The following CEP128 variants were observed in gnomAD, a reference collection of about 807,000 sequenced individuals.
CEP128 encodes centrosomal protein 128kDa.
In CEP128, 132 loss-of-function variants were observed where a neutral mutation model predicts 156.7. The observed-to-expected ratio is 0.84, with a 90% CI of 0.73 to 0.97. CEP128 has a LOEUF of 0.97. Among genes scored for constraint, CEP128 ranks in the 50% least tolerant of loss-of-function variants. CEP128 has a pLI of 0.00. For missense variants in CEP128, 1,252 were observed against 1,281.9 expected (o/e 0.98, Z 0.36); for synonymous variants, 469 against 448.9 (o/e 1.04, Z -0.57).
At chr14:80,642,172 CAGCAGTAGTTACAGAGGGGACTGACAAGA>C (rs1162057007) in intron 19 of CEP128, among the ~76,000 whole-genome samples, 11 of 151,518 alleles carry the variant, frequency 7.3e-5, no homozygotes. Context: ...ACAGACATTT[CAGCAGTAGTTACAGAGGGGACTGACAAGA>C]AGCAGTTTGT....
At chr14:80,943,519 T>G (rs1886249255), upstream of CEP128, among the ~76,000 whole-genome samples, 1 of 152,220 alleles carries the variant, frequency 6.6e-6, no homozygotes, top group Non-Finnish European at 1.5e-5. Context: ...GCCTTATTTT[T>G]CAAAGTGATA....
chr14:80,779,291 G>C (rs1259899295), intron 15 of CEP128, among the ~76,000 whole-genome samples: 1 of 152,144 alleles, frequency 6.6e-6, no homozygotes, highest in Non-Finnish European at 1.5e-5. Context: ...CTGAAAGAAA[G>C]AAGTTTTGTG....
At chr14:80,807,932 G>T (rs1884277110) in intron 13 of CEP128, among the ~76,000 whole-genome samples, 1 of 152,112 alleles carries the variant, frequency 6.6e-6, no homozygotes, top group Non-Finnish European at 1.5e-5. Flanking sequence ...GATAGTGCAG[G>T]GTCCCTAGTA....
chr14:80,767,932 G>A (rs1470989708), intron 16 of CEP128, among the ~76,000 whole-genome samples: 8 of 152,216 alleles, frequency 5.3e-5, no homozygotes, highest in African/African-American at 1.9e-4. Flanking sequence ...TCATCAGACT[G>A]TGAGTACCTC....
At chr14:80,597,657 AC>A (rs1451243978) in intron 19 of CEP128, among the ~76,000 whole-genome samples, 1 of 150,990 alleles carries the variant, frequency 6.6e-6, no homozygotes, top group Non-Finnish European at 1.5e-5. Flanking sequence ...AAAAAAAAAA[AC>A]CGCAGCTTTC....
chr14:80,759,194 G>T (rs902728818), intron 17 of CEP128, among the ~76,000 whole-genome samples: 8 of 152,002 alleles, frequency 5.3e-5, no homozygotes, highest in Non-Finnish European at 1.0e-4. Context: ...TAACTAAAGT[G>T]GAATAAGTAA....
chr14:80,933,159 TG>T, intron 2 of CEP128, among the ~76,000 whole-genome samples: 1 of 152,264 alleles, frequency 6.6e-6, no homozygotes, highest in South Asian at 2.1e-4. Flanking sequence ...ACCAGCATCC[TG>T]GAGAGGTGTT....
At chr14:80,666,615 G>A (rs1895623931) in intron 19 of CEP128, among the ~76,000 whole-genome samples, 2 of 151,690 alleles carry the variant, frequency 1.3e-5, no homozygotes, top group African/African-American at 2.4e-5. Flanking sequence ...TGTCTGTTGA[G>A]AGCCTACTGC....
intron 19 of CEP128, among the ~76,000 whole-genome samples, chr14:80,652,171 AC>A (rs34322712): frequency 0.15 from 22,915 of 151,898 alleles, 1,989 homozygotes; most frequent in East Asian, 0.33. Context: ...CCCCTTCCTT[AC>A]ACCCTATAAA....
intron 19 of CEP128, among the ~76,000 whole-genome samples, chr14:80,660,017 G>T (rs538793696): frequency 6.6e-6 from 1 of 152,260 alleles, no homozygotes; most frequent in African/African-American, 2.4e-5. Context: ...AGCCTGTGTT[G>T]ACCAGGGATT....
intron 19 of CEP128, among the ~76,000 whole-genome samples, chr14:80,708,516 T>C (rs1248476981): frequency 6.6e-6 from 1 of 152,178 alleles, no homozygotes; most frequent in Non-Finnish European, 1.5e-5. Flanking sequence ...ATTATTATTA[T>C]ACTTTAAGTT....
At chr14:80,834,906 C>T (rs1885995033) in intron 12 of CEP128, among the ~76,000 whole-genome samples, 1 of 152,096 alleles carries the variant, frequency 6.6e-6, no homozygotes, top group Admixed American at 6.6e-5. Context: ...TTGTCCTCAC[C>T]AAATCTCATG....
chr14:80,910,696 A>G (rs2139473295), intron 4 of CEP128, among the ~76,000 whole-genome samples: 1 of 150,488 alleles, frequency 6.6e-6, no homozygotes, highest in Non-Finnish European at 1.5e-5. Flanking sequence ...AGAATGGACT[A>G]ACACAGGTAG....
At chr14:80,927,364 T>C (rs966537051) in intron 2 of CEP128, among the ~76,000 whole-genome samples, 12 of 152,224 alleles carry the variant, frequency 7.9e-5, no homozygotes, top group African/African-American at 2.9e-4. Context: ...AAGGGAACTA[T>C]TTCTCCCCCT....
intron 19 of CEP128, among the ~76,000 whole-genome samples, chr14:80,599,558 A>G (rs1428912933): frequency 1.3e-5 from 2 of 151,994 alleles, no homozygotes; most frequent in East Asian, 1.9e-4. Flanking sequence ...TACAGGCATG[A>G]GCCACTGCGC....
intron 19 of CEP128, among the ~76,000 whole-genome samples, chr14:80,675,505 T>G (rs1197689818): frequency 1.3e-5 from 2 of 152,046 alleles, no homozygotes; most frequent in Admixed American, 6.6e-5. Context: ...TTTTATTGAA[T>G]TACTAACTTG....
At chr14:80,695,303 A>G (rs983355299) in intron 19 of CEP128, among the ~76,000 whole-genome samples, 9 of 152,332 alleles carry the variant, frequency 5.9e-5, no homozygotes, top group African/African-American at 2.2e-4. Context: ...GTGGTTGGAA[A>G]CCAAGCAATG....
chr14:80,795,004 T>C (rs912661263), intron 13 of CEP128, among the ~76,000 whole-genome samples: 3 of 152,192 alleles, frequency 2.0e-5, no homozygotes, highest in Admixed American at 2.0e-4. Flanking sequence ...AAATCTAAAA[T>C]GAGACAATAT....
chr14:80,719,264 A>T (rs1897724994), intron 19 of CEP128, among the ~76,000 whole-genome samples: 1 of 152,220 alleles, frequency 6.6e-6, no homozygotes, highest in Non-Finnish European at 1.5e-5. Context: ...CCTTTAAATG[A>T]GTATAAATAC....
Sources: gnomAD v4.1 joint callset for allele counts (sites outside exome capture counted in the v4.1 genomes callset) on GRCh38, gnomAD v4.1.1 for gene constraint, MANE v1.5 for transcripts, NCBI Gene and HGNC (gene_info 2026-07-23, HGNC 2026-07-21) for gene names.